The following USH2A variants were observed in gnomAD, a reference collection of about 807,000 sequenced individuals.
The protein encoded by USH2A is Usher syndrome 2A (autosomal recessive, mild).
Under a neutral mutation model 538.9 loss-of-function variants are expected in USH2A, and 443 were observed. That is an observed-to-expected ratio of 0.82 (90% CI 0.76 to 0.89). USH2A has a LOEUF of 0.89. USH2A is among the 40% of genes least tolerant of loss of function. The pLI is 0.00. For synonymous variants in USH2A, 2,413 were observed against 2,273.5 expected, an observed-to-expected ratio of 1.06 and a Z score of -1.75; for missense variants, 6,633 against 6,324.8, an observed-to-expected ratio of 1.05 and a Z score of -1.65.
At chr1:215,763,857 C>A (rs975148707) in intron 56 of USH2A, among the ~76,000 whole-genome samples, 5 of 151,642 alleles carry the variant, frequency 3.3e-5, no homozygotes, top group Non-Finnish European at 5.9e-5. Context: ...GAAAGAAGAA[C>A]AATTTTTTTA....
At chr1:216,297,269 T>C (rs1338700230) in intron 9 of USH2A, among the ~76,000 whole-genome samples, 1 of 152,062 alleles carries the variant, frequency 6.6e-6, no homozygotes, top group Non-Finnish European at 1.5e-5. Context: ...CTCAGCAAAC[T>C]TGCCTACTAC....
In USH2A at chr1:216,073,168, C is replaced by T. The variant is rs2031618941; in HGVS notation, c.5705G>A (p.Gly1902Glu). 6.2e-7 allele frequency: 1 copy of T among 1,613,832 alleles called. No homozygotes were observed. ...CTGGTAAACCAGGATGGAGTCATTTCCCCTGCAGTTAACAGCACTGTCAGT... is the reference window on the plus strand; with the variant it reads ...CTGGTAAACCAGGATGGAGTCATTTTCCCTGCAGTTAACAGCACTGTCAGT... ...LSTDSAVNCR[G>E]NDSILVYQGK... Residue 1902 changes from glycine to glutamate, a missense_variant, in exon 28 of 72, where the codon GGA (glycine) becomes GAA (glutamate). Coordinates refer to ENST00000307340, the MANE Select transcript of USH2A (RefSeq NM_206933.4).
intron 47 of USH2A, among the ~76,000 whole-genome samples, chr1:215,822,458 T>C (rs950850944): frequency 6.6e-6 from 1 of 152,038 alleles, no homozygotes; most frequent in Admixed American, 6.6e-5. Context: ...TATTGATTTC[T>C]GTACATTGAG....
chr1:216,063,806 C>A (rs575190849), intron 30 of USH2A, among the ~76,000 whole-genome samples: 48 of 152,130 alleles, frequency 3.2e-4, no homozygotes, highest in African/African-American at 1.1e-3. Flanking sequence ...TACAACAAAC[C>A]CAATTTTCCC....
chr1:215,760,227 C>T (rs966806671), intron 56 of USH2A, among the ~76,000 whole-genome samples: 2 of 152,012 alleles, frequency 1.3e-5, no homozygotes, highest in African/African-American at 2.4e-5. Context: ...CAAATGAGTG[C>T]ACTTTCCCTT....
chr1:216,387,373 T>C (rs1558066028), intron 3 of USH2A, among the ~76,000 whole-genome samples: 1 of 152,226 alleles, frequency 6.6e-6, no homozygotes, highest in South Asian at 2.1e-4. Flanking sequence ...CCATTTTCTA[T>C]TTCCACAATT....
chr1:216,195,129 C>T (rs1410994256), intron 19 of USH2A, among the ~76,000 whole-genome samples: 2 of 152,126 alleles, frequency 1.3e-5, no homozygotes, highest in Non-Finnish European at 2.9e-5. Flanking sequence ...AATAGCCATG[C>T]AGCTAGAGCT....
rs1411422939 is a variant in USH2A at position 215,794,889 on chromosome 1, C to T, written c.9958+4018G>A. On this transcript the variant is annotated intron_variant, in intron 50 of 71. Transcript: ENST00000307340. ...GGCAAATTTTTGTGTATATTCCATG[C>T]ACTATTATTCAGAGTGAGGGTTTGT... Among the ~76,000 whole-genome samples, 4 of 152,142 alleles carry T rather than the reference C, an allele frequency of 2.6e-5. No individual in the cohort carries two copies. The South Asian group carries it at 8.3e-4, about 32-fold the overall frequency.
intron 49 of USH2A, among the ~76,000 whole-genome samples, chr1:215,810,222 A>G (rs141205058): frequency 2.6e-5 from 4 of 152,334 alleles, no homozygotes; most frequent in African/African-American, 7.2e-5. Flanking sequence ...CATACAGACA[A>G]TACATATTTT....
chr1:215,758,836 T>C, intron 57 of USH2A, 84 bp from the exon 58 acceptor site: 2 of 1,469,656 alleles, frequency 1.4e-6, no homozygotes, highest in Middle Eastern at 1.9e-4. Flanking sequence ...TATCAATTGC[T>C]TAGTCCTAAA....
At chr1:215,769,030 G>A (rs1330002852) in intron 55 of USH2A, among the ~76,000 whole-genome samples, 1 of 152,156 alleles carries the variant, frequency 6.6e-6, no homozygotes, top group Non-Finnish European at 1.5e-5. Context: ...TGACCAAAAA[G>A]GTCCTTCCTC....
intron 45 of USH2A, among the ~76,000 whole-genome samples, chr1:215,844,802 T>G (rs910765043): frequency 3.9e-5 from 6 of 152,222 alleles, no homozygotes; most frequent in African/African-American, 1.4e-4. Flanking sequence ...ATCTATTTTT[T>G]GTCTTTTTTC....
At chr1:216,096,947 G>A in intron 22 of USH2A, 136 bp downstream of exon 22, 1 of 952,502 alleles carries the variant, frequency 1.0e-6, no homozygotes. Flanking sequence ...TTTCTTGATT[G>A]GCAAAATGGG....
intron 21 of USH2A, among the ~76,000 whole-genome samples, chr1:216,102,795 G>A (rs2032622138): frequency 1.3e-5 from 2 of 150,976 alleles, no homozygotes; most frequent in Admixed American, 6.6e-5. Context: ...ACGAGATTCC[G>A]TCTCAAAAAC....
chr1:215,846,084 G>GAA (rs77889398), intron 44 of USH2A, 51 bp from the exon 45 acceptor site: 6 of 1,483,768 alleles, frequency 4.0e-6, no homozygotes, highest in Admixed American at 1.9e-5. Context: ...GCTTTCAGGG[G>GAA]AAAAAAAAAA....
intron 44 of USH2A, among the ~76,000 whole-genome samples, chr1:215,849,006 G>A (rs1663942115): frequency 6.6e-6 from 1 of 152,298 alleles, no homozygotes; most frequent in Middle Eastern, 3.4e-3. Flanking sequence ...TTTTACCTCT[G>A]AGAGAGGAAG....
intron 47 of USH2A, 101 bp downstream of exon 47, chr1:215,837,890 C>A: frequency 1.1e-6 from 1 of 940,424 alleles, no homozygotes; most frequent in Non-Finnish European, 1.8e-6. Context: ...TTATAATAAC[C>A]CATTAAATGA....
rs1285626949 is a variant in USH2A, at chr1:215,728,381, G to T, written c.11715C>A (p.Arg3905=). The T allele has an allele frequency of 3.1e-6, 5 of 1,613,968 alleles. No homozygotes were observed. The Admixed American group carries it at 5.0e-5, about 16-fold the overall frequency. The part of the protein sequence containing the change: ...GIIINYFIYR[R]PAGIEEESVL... ...CAGACTCCTCTTCAATGCCAGCAGG[G>T]CGTCTGAAAGGAAACCAAGCAGGCA... Residue 3905 remains arginine, a synonymous_variant, in exon 61 of 72, where the codon CGC becomes CGA. Coordinates refer to ENST00000307340, the MANE Select transcript of USH2A (RefSeq NM_206933.4).
chr1:216,281,863 CT>C (rs1298588120), intron 11 of USH2A, among the ~76,000 whole-genome samples: 1 of 78,950 alleles, frequency 1.3e-5, no homozygotes, highest in Admixed American at 1.4e-4. Context: ...TTGTTTTTGT[CT>C]GTTTTTTTTT....
Sources: gnomAD v4.1 joint callset for allele counts (sites outside exome capture counted in the v4.1 genomes callset) on GRCh38, gnomAD v4.1.1 for gene constraint, MANE v1.5 for transcripts, NCBI Gene and HGNC (gene_info 2026-07-23, HGNC 2026-07-21) for gene names.